SUPT3H: variants seen among roughly 807,000 people sequenced by gnomAD.
SUPT3H encodes the protein transcription initiation protein SPT3 homolog.
A neutral mutation model predicts 44.3 loss-of-function variants in SUPT3H; 44 were observed. That is an observed-to-expected ratio of 0.99 (90% CI 0.78 to 1.28). The LOEUF is 1.28. Among genes scored for constraint, SUPT3H ranks in the 50% most tolerant of loss-of-function variants. SUPT3H has a pLI of 0.00. For missense variants in SUPT3H, 380 were observed against 387.1 expected (o/e 0.98, Z 0.15); for synonymous variants, 124 against 125.6 (o/e 0.99, Z 0.09).
intron 2 of SUPT3H, among the ~76,000 whole-genome samples, chr6:45,266,957 C>T (rs1775357323): frequency 6.6e-6 from 1 of 152,072 alleles, no homozygotes; most frequent in African/African-American, 2.4e-5. Flanking sequence ...TTACAGTTTA[C>T]ATAGTCAAAA....
At chr6:45,345,890 T>C (rs924792970) in intron 2 of SUPT3H, among the ~76,000 whole-genome samples, 15 of 152,206 alleles carry the variant, frequency 9.9e-5, no homozygotes, top group African/African-American at 3.6e-4. Flanking sequence ...AGTTTCTCTC[T>C]AGACACAGTA....
intron 9 of SUPT3H, among the ~76,000 whole-genome samples, chr6:44,938,096 AT>A (rs528812806): frequency 1.9e-3 from 263 of 135,742 alleles, no homozygotes; most frequent in Middle Eastern, 4.0e-3. Flanking sequence ...CCCATTGTCT[AT>A]TTTTTTTTTT....
intron 2 of SUPT3H, chr6:45,321,979 A>T (rs1584905849): frequency 7.5e-6 from 6 of 802,222 alleles, no homozygotes; most frequent in Non-Finnish European, 1.2e-5. Context: ...ATCAAGTAAA[A>T]AGTCTTGTGA....
At chr6:44,966,365 T>C (rs1245430999) in intron 6 of SUPT3H, among the ~76,000 whole-genome samples, 1 of 150,874 alleles carries the variant, frequency 6.6e-6, no homozygotes, top group Non-Finnish European at 1.5e-5. Context: ...ATGAAACTAA[T>C]AAAACTGCTT....
chr6:44,906,061 T>C (rs1219845838), intron 10 of SUPT3H, among the ~76,000 whole-genome samples: 2 of 152,126 alleles, frequency 1.3e-5, no homozygotes, highest in African/African-American at 4.8e-5. Context: ...CATTAGGAGA[T>C]ATACCTAATG....
intron 10 of SUPT3H, among the ~76,000 whole-genome samples, chr6:44,900,199 G>A (rs1038160164): frequency 2.0e-5 from 3 of 152,206 alleles, no homozygotes; most frequent in Non-Finnish European, 4.4e-5. Context: ...GCAGCGCACC[G>A]AGCGTGAGCT....
chr6:45,254,253 C>A (rs1453472061), intron 2 of SUPT3H, among the ~76,000 whole-genome samples: 2 of 152,058 alleles, frequency 1.3e-5, no homozygotes, highest in Non-Finnish European at 2.9e-5. Flanking sequence ...CCATGAAACA[C>A]TGACAAACAC....
intron 2 of SUPT3H, among the ~76,000 whole-genome samples, chr6:45,307,152 C>G (rs1366245905): frequency 3.9e-5 from 6 of 152,228 alleles, no homozygotes; most frequent in Non-Finnish European, 7.3e-5. Context: ...CACGGCAGCT[C>G]AAGGAGGCCT....
At chr6:45,190,995 A>T (rs1023977592) in intron 2 of SUPT3H, among the ~76,000 whole-genome samples, 1 of 152,114 alleles carries the variant, frequency 6.6e-6, no homozygotes, top group Non-Finnish European at 1.5e-5. Flanking sequence ...ACTTTGGAAA[A>T]TAATTTGATA....
At chr6:44,925,040 G>A (rs1769311651) in intron 10 of SUPT3H, among the ~76,000 whole-genome samples, 1 of 152,092 alleles carries the variant, frequency 6.6e-6, no homozygotes, top group African/African-American at 2.4e-5. Flanking sequence ...AATCTGCCAT[G>A]CCACTTTTGT....
chr6:45,132,391 C>A (rs1803608281), intron 2 of SUPT3H, among the ~76,000 whole-genome samples: 1 of 152,120 alleles, frequency 6.6e-6, no homozygotes, highest in Admixed American at 6.6e-5. Context: ...TTACTTTAAA[C>A]CTACTTTTAA....
intron 6 of SUPT3H, among the ~76,000 whole-genome samples, chr6:44,998,054 T>G (rs952902438): frequency 1.3e-5 from 2 of 151,956 alleles, no homozygotes. Context: ...TTAAGATTTA[T>G]GCATCTATAT....
chr6:45,346,638 G>A (rs1299120590), intron 2 of SUPT3H, among the ~76,000 whole-genome samples: 1 of 150,698 alleles, frequency 6.6e-6, no homozygotes, highest in Non-Finnish European at 1.5e-5. Flanking sequence ...TGCGATCTCG[G>A]CTCACTGCAA....
intron 2 of SUPT3H, among the ~76,000 whole-genome samples, chr6:45,325,235 T>A (rs777138807): frequency 6.6e-6 from 1 of 151,690 alleles, no homozygotes; most frequent in African/African-American, 2.4e-5. Flanking sequence ...AATAAAAGAA[T>A]AGAGTTAGCA....
At chr6:45,152,467 T>C (rs1482922835) in intron 2 of SUPT3H, among the ~76,000 whole-genome samples, 1 of 152,100 alleles carries the variant, frequency 6.6e-6, no homozygotes, top group Non-Finnish European at 1.5e-5. Flanking sequence ...CTGATGTGTT[T>C]CCTCCACAAA....
intron 9 of SUPT3H, among the ~76,000 whole-genome samples, chr6:44,945,624 A>C (rs1475858248): frequency 1.3e-5 from 2 of 152,250 alleles, no homozygotes; most frequent in Non-Finnish European, 2.9e-5. Context: ...AGCCTAATCC[A>C]GAGCAAGGTG....
chr6:44,823,101 CA>C (rs5875894), downstream of SUPT3H, among the ~76,000 whole-genome samples: 68,087 of 112,814 alleles, frequency 0.6, 19,277 homozygotes, highest in East Asian at 0.82. Flanking sequence ...GACTCCGTTT[CA>C]AAAAAAAAAA....
chr6:45,300,880 A>C (rs1782040163), intron 2 of SUPT3H, among the ~76,000 whole-genome samples: 4 of 152,208 alleles, frequency 2.6e-5, no homozygotes, highest in Middle Eastern at 3.4e-3. Context: ...CTTAGTAAAA[A>C]ATTTAAAGAA....
At chr6:44,941,696 G>A (rs999466572) in intron 9 of SUPT3H, among the ~76,000 whole-genome samples, 34 of 152,118 alleles carry the variant, frequency 2.2e-4, no homozygotes, top group African/African-American at 8.0e-4. Context: ...ATAGATGAAA[G>A]AGTGAAAATA....
Sources: allele counts gnomAD v4.1 joint callset (sites outside exome capture counted in the v4.1 genomes callset), GRCh38; gene constraint gnomAD v4.1.1; transcripts MANE v1.5; gene names NCBI Gene and HGNC (gene_info 2026-07-23, HGNC 2026-07-21).